Variants in NRXN1 observed in about 807,000 individuals in gnomAD.
The protein encoded by NRXN1 is neurexin-1.
A neutral mutation model predicts 150.9 loss-of-function variants in NRXN1; 39 were observed. The observed-to-expected ratio is 0.26, with a 90% CI of 0.20 to 0.34. The LOEUF (loss-of-function observed/expected upper bound fraction) is 0.34, where lower values mean the gene tolerates loss of function less well. NRXN1 is among the 10% of genes least tolerant of loss of function. The probability of loss-of-function intolerance (pLI) is 1.00; values close to 1 mark genes in which losing one functional copy is unlikely to be tolerated. For missense variants in NRXN1, 1,815 were observed against 1,949.9 expected (o/e 0.93, Z 1.30); for synonymous variants, 924 against 757.0 (o/e 1.22, Z -3.62).
chr2:51,017,584 T>G (rs534782781), intron 2 of NRXN1, among the ~76,000 whole-genome samples: 1 of 142,706 alleles, frequency 7.0e-6, no homozygotes, highest in East Asian at 2.2e-4. Context: ...CTGGTACTCT[T>G]GGACTCAAGT....
At chr2:50,093,946 T>G (rs939452890) in intron 18 of NRXN1, among the ~76,000 whole-genome samples, 11 of 152,232 alleles carry the variant, frequency 7.2e-5, no homozygotes, top group Admixed American at 6.5e-4. Context: ...TGTGCCATCC[T>G]ATAGCTGTAG....
At chr2:50,328,610 C>T (rs1232655756) in intron 17 of NRXN1, among the ~76,000 whole-genome samples, 2 of 152,006 alleles carry the variant, frequency 1.3e-5, no homozygotes, top group African/African-American at 4.8e-5. Flanking sequence ...GTGGTGGGCA[C>T]CTGTAATCCC....
intron 17 of NRXN1, among the ~76,000 whole-genome samples, chr2:50,441,154 T>A (rs2085915821): frequency 6.6e-6 from 1 of 152,136 alleles, no homozygotes; most frequent in South Asian, 2.1e-4. Context: ...AGATATCACT[T>A]AAGGAATCTA....
rs1403203877 is a variant in NRXN1 at position 50,862,154 on chromosome 2, A to T, written c.832+59715T>A. On this transcript the variant is annotated intron_variant, in intron 5 of 22. Coordinates refer to ENST00000401669, the MANE Select transcript of NRXN1 (RefSeq NM_001330078.2). Reference sequence around the variant, plus strand: ...GAGGCAGAGGTTTCAGTGAGCAGAGATTGTGCCACTGCACTCTAGCCTAGA... The same window carrying T: ...GAGGCAGAGGTTTCAGTGAGCAGAGTTTGTGCCACTGCACTCTAGCCTAGA... 5.3e-5 allele frequency among the ~76,000 whole-genome samples: 8 copies of T among 150,392 alleles called. No individual in the cohort carries two copies. In the Admixed American group the frequency reaches 5.3e-4, roughly 10 times the overall value.
chr2:50,005,652 G>C (rs532322714), intron 21 of NRXN1, among the ~76,000 whole-genome samples: 1 of 152,208 alleles, frequency 6.6e-6, no homozygotes, highest in East Asian at 1.9e-4. Flanking sequence ...CTCTTCCAGA[G>C]CTTCCCATTA....
intron 5 of NRXN1, among the ~76,000 whole-genome samples, chr2:50,694,137 T>C (rs1304314066): frequency 6.6e-6 from 1 of 152,166 alleles, no homozygotes; most frequent in Non-Finnish European, 1.5e-5. Flanking sequence ...TGTGTATGAT[T>C]TAGCAAGTGA....
At chr2:50,966,021 T>C (rs1300500095) in intron 2 of NRXN1, among the ~76,000 whole-genome samples, 5 of 151,682 alleles carry the variant, frequency 3.3e-5, no homozygotes, top group Non-Finnish European at 7.4e-5. Flanking sequence ...ACCTTAGTAG[T>C]AAAAAGTGTG....
rs148075263 is a variant in NRXN1 at position 50,557,803 on chromosome 2, A to T, written c.1321-4778T>A. On this transcript the variant is annotated intron_variant, in intron 8 of 22. Coordinates refer to ENST00000401669, the MANE Select transcript of NRXN1 (RefSeq NM_001330078.2). Reference sequence around the variant, plus strand: ...ATTGTCATAACAAAGGTAACAGCTAAGAAGGTAGATAGCAATTGATTGGTC... The same window carrying T: ...ATTGTCATAACAAAGGTAACAGCTATGAAGGTAGATAGCAATTGATTGGTC... Among the ~76,000 whole-genome samples, 511 of 152,328 alleles carry T rather than the reference A, an allele frequency of 3.4e-3. 3 individuals are homozygous for T. Among genetic ancestry groups the T allele is most frequent in the African/African-American group, 0.012 (488 of 41,564 alleles).
chr2:50,122,611 T>C (rs1704016230), intron 18 of NRXN1, among the ~76,000 whole-genome samples: 1 of 152,222 alleles, frequency 6.6e-6, no homozygotes. Context: ...TAGAAACACC[T>C]AGCAGCAGGC....
chr2:50,833,815 T>A (rs1458685054), intron 5 of NRXN1, among the ~76,000 whole-genome samples: 2 of 152,192 alleles, frequency 1.3e-5, no homozygotes, highest in Non-Finnish European at 2.9e-5. Flanking sequence ...TTTAAAAAAA[T>A]CTTCTAAGGA....
At chr2:50,289,204 T>A (rs2072589580) in intron 17 of NRXN1, among the ~76,000 whole-genome samples, 1 of 152,132 alleles carries the variant, frequency 6.6e-6, no homozygotes, top group African/African-American at 2.4e-5. Flanking sequence ...TGTAAATCTG[T>A]AGAGCCCCAA....
At chr2:50,683,646 A>AAAAAATATATATAT in intron 5 of NRXN1, among the ~76,000 whole-genome samples, 1 of 14,906 alleles carries the variant, frequency 6.7e-5, no homozygotes, top group Non-Finnish European at 1.1e-4. Context: ...AAAAAAAAAA[A>AAAAAATATATATAT]ATATATATAT....
intron 2 of NRXN1, among the ~76,000 whole-genome samples, chr2:50,983,891 G>C (rs1037778680): frequency 3.5e-4 from 53 of 151,982 alleles, no homozygotes; most frequent in African/African-American, 1.3e-3. Flanking sequence ...AGAGTGGATA[G>C]ACATTAGCTA....
At chr2:50,665,520 G>A (rs1481038507) in intron 5 of NRXN1, among the ~76,000 whole-genome samples, 1 of 151,720 alleles carries the variant, frequency 6.6e-6, no homozygotes, top group East Asian at 1.9e-4. Context: ...TGACCAAATA[G>A]GCTACAATGA....
At chr2:50,455,773 C>G (rs1292292738) in intron 17 of NRXN1, among the ~76,000 whole-genome samples, 1 of 152,106 alleles carries the variant, frequency 6.6e-6, no homozygotes, top group African/African-American at 2.4e-5. Context: ...GAATCTGGAT[C>G]CTTGGTATTG....
At chr2:50,863,156 T>G (rs1445667651) in intron 5 of NRXN1, among the ~76,000 whole-genome samples, 2 of 152,056 alleles carry the variant, frequency 1.3e-5, no homozygotes, top group East Asian at 3.9e-4. Context: ...AAAGTTACAC[T>G]AACAGCTTAG....
chr2:50,720,083 A>C (rs1184002922), intron 5 of NRXN1, among the ~76,000 whole-genome samples: 1 of 152,206 alleles, frequency 6.6e-6, no homozygotes, highest in Admixed American at 6.5e-5. Flanking sequence ...CAAGATACCT[A>C]GATGTTTGGC....
At chr2:50,753,343 G>T (rs987509448) in intron 5 of NRXN1, among the ~76,000 whole-genome samples, 1 of 151,844 alleles carries the variant, frequency 6.6e-6, no homozygotes, top group Non-Finnish European at 1.5e-5. Flanking sequence ...ATCTCAAATG[G>T]GAAGTAGATG....
intron 8 of NRXN1, 34 bp from the exon 9 acceptor site, chr2:50,553,059 T>A (rs1198618356): frequency 3.2e-5 from 46 of 1,452,694 alleles, no homozygotes; most frequent in Non-Finnish European, 4.1e-5. Context: ...GAAACTAGCC[T>A]CCATATTTTA....
Sources: gnomAD v4.1 joint callset for allele counts (sites outside exome capture counted in the v4.1 genomes callset) on GRCh38, gnomAD v4.1.1 for gene constraint, MANE v1.5 for transcripts, NCBI Gene and HGNC (gene_info 2026-07-23, HGNC 2026-07-21) for gene names.